The following CPLANE1 variants were observed in gnomAD, a reference collection of about 807,000 sequenced individuals.
The protein encoded by CPLANE1 is ciliogenesis and planar polarity effector complex subunit 1, also known as ciliogenesis and planar polarity effector 1.
Under a neutral mutation model 362.5 loss-of-function variants are expected in CPLANE1, and 263 were observed. That is an observed-to-expected ratio of 0.73 (90% CI 0.66 to 0.80). The LOEUF is 0.80. Among genes scored for constraint, CPLANE1 ranks in the 30% least tolerant of loss-of-function variants. CPLANE1 has a pLI of 0.00. For synonymous variants in CPLANE1, 1,212 were observed against 1,302.6 expected, an observed-to-expected ratio of 0.93 and a Z score of 1.50; for missense variants, 3,461 against 3,793.4, an observed-to-expected ratio of 0.91 and a Z score of 2.30.
At chr5:37,090,300 G>A in the CPLANE1 span, among the ~76,000 whole-genome samples, 115 of 152,200 alleles carry the variant, frequency 7.6e-4, no homozygotes, top group Non-Finnish European at 1.2e-3. Flanking sequence ...GATGGCCCCC[G>A]GGCTATGCTT....
intron 21 of CPLANE1, among the ~76,000 whole-genome samples, chr5:37,188,469 G>A (rs1243131500): frequency 2.0e-5 from 3 of 152,204 alleles, no homozygotes; most frequent in Non-Finnish European, 4.4e-5. Context: ...TAGCTACTTG[G>A]ACACCTGAGG....
chr5:37,159,094 CTTTTTTTTTT>C (rs34035923), intron 38 of CPLANE1, among the ~76,000 whole-genome samples: 24 of 59,790 alleles, frequency 4.0e-4, no homozygotes, highest in East Asian at 2.8e-3. Flanking sequence ...AATTCACATT[CTTTTTTTTTT>C]TTTTTTTTTT....
At chr5:37,139,448 T>A in intron 44 of CPLANE1, 78 bp from the exon 45 acceptor site, 1 of 1,086,202 alleles carries the variant, frequency 9.2e-7, no homozygotes, top group Non-Finnish European at 1.2e-6. Flanking sequence ...AGAAATTATA[T>A]AACCAGAAAT....
In CPLANE1 at chr5:37,148,250, T is replaced by C. The variant is rs1772339952; in HGVS notation, c.8392A>G (p.Ile2798Val). Residue 2798 changes from isoleucine to valine, a missense_variant, in exon 43 of 53, where the codon ATT becomes GTT. By Grantham distance (29) the Ile-to-Val change is conservative. This residue lies in a region of CPLANE1 where 3,380 missense variants were observed against 3,666.1 expected (regional missense o/e 0.92). Transcript: ENST00000651892. ...HCDKIGPVDH[I>V]EFSSGPEFKK... ...AATTCAGGGCCAGAAGAGAATTCAA[T>C]GTGATCCACTGGTCCAATCTGTAGA... The C allele has an allele frequency of 1.2e-6, 2 of 1,610,468 alleles. No individual in the cohort carries two copies. Among genetic ancestry groups the C allele is most frequent in the East Asian group, 2.2e-5 (1 of 44,844 alleles).
At chr5:37,229,391 T>C (rs1797201693) in intron 9 of CPLANE1, among the ~76,000 whole-genome samples, 1 of 151,230 alleles carries the variant, frequency 6.6e-6, no homozygotes, top group South Asian at 2.1e-4. Flanking sequence ...TCTAAAAAAT[T>C]AGCTGGGCGT....
At chr5:37,112,171 C>T (rs1389059031) in intron 51 of CPLANE1, among the ~76,000 whole-genome samples, 1 of 152,156 alleles carries the variant, frequency 6.6e-6, no homozygotes, top group African/African-American at 2.4e-5. Flanking sequence ...TTATTGTCAT[C>T]TAGAAAGAAT....
intron 35 of CPLANE1, 133 bp from the exon 36 acceptor site, chr5:37,165,804 G>C: frequency 2.6e-6 from 2 of 781,896 alleles, no homozygotes; most frequent in South Asian, 4.4e-5. Flanking sequence ...TAATTAAATT[G>C]GCAAGATATT....
At chr5:37,194,638 T>G (rs193147236) in intron 21 of CPLANE1, among the ~76,000 whole-genome samples, 59 of 150,132 alleles carry the variant, frequency 3.9e-4, no homozygotes, top group African/African-American at 1.4e-3. Context: ...ATACTAAGGG[T>G]GAGTGAGTTA....
chr5:37,169,734 T>A lies in CPLANE1; in HGVS notation c.6463-173A>T, dbSNP rs184296869. ...TTGAACTACTCAGGACATTATTATT[T>A]TTTTTTTTCTGAGACAGAGTCTTGC... On this transcript the variant is annotated intron_variant, in intron 33 of 52. Coordinates refer to ENST00000651892, the MANE Select transcript of CPLANE1 (RefSeq NM_001384732.1). 2.5e-3 allele frequency among the ~76,000 whole-genome samples: 380 copies of A among 152,182 alleles called. 1 individual carries two copies. The highest frequency in any genetic ancestry group is 4.0e-3 in the Non-Finnish European group (271 of 68,006).
intron 27 of CPLANE1, 55 bp from the exon 28 acceptor site, chr5:37,180,238 T>C: frequency 8.0e-7 from 1 of 1,249,902 alleles, no homozygotes; most frequent in Non-Finnish European, 1.1e-6. Flanking sequence ...AAAGAGCTAA[T>C]TCAGTTTTGG....
intron 46 of CPLANE1, among the ~76,000 whole-genome samples, chr5:37,128,396 A>G (rs777587908): frequency 5.3e-5 from 8 of 152,196 alleles, no homozygotes; most frequent in Non-Finnish European, 1.0e-4. Context: ...TCTAATTTGT[A>G]TCTTAAAGCC....
At position 37,167,166 on chromosome 5, in the gene CPLANE1, T is replaced by C; in HGVS notation, c.7281A>G (p.Lys2427=). The change falls in exon 35 of 53, where the codon AAA becomes AAG. Residue 2427 remains lysine (K), a synonymous_variant. Transcript: ENST00000651892. Reference sequence around the variant, plus strand: ...TATGTGTTAGTTTCTGTTGGCTTTGTTTAAACGCAATGAGGTTTTCAAGTG... The same window carrying C: ...TATGTGTTAGTTTCTGTTGGCTTTGCTTAAACGCAATGAGGTTTTCAAGTG... ...LIPLENLIAF[K]QSQQKLTHNL... is the part of the protein sequence containing the mutation. 1 of 1,613,578 alleles carries C rather than the reference T, an allele frequency of 6.2e-7. No individual in the cohort carries two copies. The highest frequency in any genetic ancestry group is 8.5e-7 in the Non-Finnish European group (1 of 1,179,882).
At position 37,224,626 on chromosome 5, in the gene CPLANE1, T is replaced by C; in HGVS notation, c.2406A>G (p.Ala802=). 1 of 1,551,282 alleles carries C rather than the reference T, an allele frequency of 6.4e-7. No individual in the cohort carries two copies. Among genetic ancestry groups the C allele is most frequent in the Non-Finnish European group, 8.7e-7 (1 of 1,146,604 alleles). ...SQLTEKMTHE[A]STVKSLLCHL... The stretch of plus-strand genomic sequence containing the variant: ...GACATAACAGGGACTTGACAGTAGA[T>C]GCTTCATGTGTCATCTTTTCAGTTA... Residue 802 remains alanine, a synonymous_variant, in exon 13 of 53, where the codon GCA becomes GCG. Coordinates refer to ENST00000651892, the MANE Select transcript of CPLANE1 (RefSeq NM_001384732.1).
chr5:37,186,191 T>C (rs1174831718), intron 24 of CPLANE1, 95 bp downstream of exon 24: 6 of 679,138 alleles, frequency 8.8e-6, no homozygotes, highest in East Asian at 5.2e-5. Flanking sequence ...CAAAAATGCA[T>C]AGACACATAA....
chr5:37,080,475 G>A, the CPLANE1 span, among the ~76,000 whole-genome samples: 3 of 152,164 alleles, frequency 2.0e-5, no homozygotes, highest in East Asian at 3.9e-4. Context: ...ATAACTCAAA[G>A]CATGGTAGAT....
chr5:37,238,967 A>C lies in CPLANE1; in HGVS notation c.835-7T>G. The C allele has an allele frequency of 7.3e-7, 1 of 1,368,034 alleles. No homozygotes were observed. Among genetic ancestry groups the C allele is most frequent in the Non-Finnish European group, 9.9e-7 (1 of 1,014,322 alleles). The allele number at this position is 1,368,034 out of a possible 1,614,324, so 84.7% of individuals were successfully genotyped here. On this transcript the variant is annotated splice_region_variant and splice_polypyrimidine_tract_variant and intron_variant, in intron 7 of 52. Transcript: ENST00000651892. ...TAAATAATACCTGAGTTGCCTAGAA[A>C]GGAAAAAAAAGACAAGAAAACTATT...
chr5:37,159,094 CTTTTTT>C (rs34035923), intron 38 of CPLANE1, among the ~76,000 whole-genome samples: 1 of 59,758 alleles, frequency 1.7e-5, no homozygotes, highest in African/African-American at 8.9e-5. Context: ...AATTCACATT[CTTTTTT>C]TTTTTTTTTT....
intron 32 of CPLANE1, among the ~76,000 whole-genome samples, chr5:37,171,537 T>C (rs1779783692): frequency 6.6e-6 from 1 of 152,144 alleles, no homozygotes; most frequent in Non-Finnish European, 1.5e-5. Flanking sequence ...AAGTGAAGTT[T>C]TTGAAGGCCA....
chr5:37,205,535 G>C (rs1384282017), intron 17 of CPLANE1, 81 bp from the exon 18 acceptor site: 3 of 889,674 alleles, frequency 3.4e-6, no homozygotes, highest in Non-Finnish European at 5.0e-6. Context: ...GACTAAACAT[G>C]AAAGTTTAAG....
Sources: gnomAD v4.1 joint callset for allele counts (sites outside exome capture counted in the v4.1 genomes callset) on GRCh38, gnomAD v4.1.1 for gene constraint, gnomAD v4.1.1 regional missense constraint, MANE v1.5 for transcripts, NCBI Gene and HGNC (gene_info 2026-07-23, HGNC 2026-07-21) for gene names.